CALCR: variants seen among roughly 807,000 people sequenced by gnomAD.
The protein encoded by CALCR is calcitonin receptor.
Under a neutral mutation model 59.5 loss-of-function variants are expected in CALCR, and 47 were observed. That is an observed-to-expected ratio of 0.79 (90% confidence interval 0.63 to 1.01). The LOEUF is 1.01. Ranked by LOEUF, CALCR falls within the 50% of genes least tolerant of loss-of-function variation. CALCR has a pLI of 0.00. For missense variants in CALCR, 566 were observed against 597.1 expected (o/e 0.95, Z 0.54); for synonymous variants, 213 against 211.3 (o/e 1.01, Z -0.07).
At chr7:93,432,106 AT>A (rs1170095148) in intron 13 of CALCR, among the ~76,000 whole-genome samples, 2 of 152,190 alleles carry the variant, frequency 1.3e-5, no homozygotes, top group Non-Finnish European at 2.9e-5. Context: ...CTGACTCTCT[AT>A]ATAATTCATT....
At chr7:93,570,647 A>G (rs1440257159) in intron 2 of CALCR, among the ~76,000 whole-genome samples, 1 of 152,196 alleles carries the variant, frequency 6.6e-6, no homozygotes, top group Non-Finnish European at 1.5e-5. Context: ...AATTTTTAAC[A>G]AAGACAGAAT....
intron 2 of CALCR, among the ~76,000 whole-genome samples, chr7:93,512,791 A>G (rs1301341553): frequency 6.6e-6 from 1 of 152,148 alleles, no homozygotes; most frequent in African/African-American, 2.4e-5. Flanking sequence ...TGCCCCTTAC[A>G]CATGCAGGGG....
At chr7:93,457,936 C>G (rs1406292520) in intron 8 of CALCR, among the ~76,000 whole-genome samples, 2 of 152,134 alleles carry the variant, frequency 1.3e-5, no homozygotes, top group Non-Finnish European at 2.9e-5. Flanking sequence ...AATCCCATCT[C>G]TAAGTACTCA....
intron 8 of CALCR, among the ~76,000 whole-genome samples, chr7:93,458,330 G>A (rs1358286662): frequency 6.6e-6 from 1 of 152,156 alleles, no homozygotes; most frequent in East Asian, 1.9e-4. Context: ...TATTGGGTTG[G>A]CAGAATTGTC....
chr7:93,479,520 G>A lies in CALCR; in HGVS notation c.52-13C>T. On this transcript the variant is annotated splice_polypyrimidine_tract_variant and intron_variant, in intron 3 of 13. Coordinates refer to ENST00000426151, the MANE Select transcript of CALCR (RefSeq NM_001742.4). The stretch of plus-strand genomic sequence containing the variant: ...TTGGGGTTGGGTGCTGTATTAAAAA[G>A]AAAAATCAGTTACTTATAGACAGGA... 6.2e-7 allele frequency: 1 copy of A among 1,606,102 alleles called. No homozygotes were observed.
intron 8 of CALCR, among the ~76,000 whole-genome samples, chr7:93,455,438 T>C (rs1800191597): frequency 6.6e-6 from 1 of 152,024 alleles, no homozygotes; most frequent in Non-Finnish European, 1.5e-5. Context: ...TCTTCTTTTT[T>C]CCCCTTGTCT....
At chr7:93,562,412 A>T (rs1789769964) in intron 2 of CALCR, among the ~76,000 whole-genome samples, 1 of 101,950 alleles carries the variant, frequency 9.8e-6, no homozygotes. Context: ...TATAAAAAGG[A>T]ACAACAACAA....
chr7:93,537,819 A>C (rs1789032522), intron 2 of CALCR, among the ~76,000 whole-genome samples: 1 of 151,850 alleles, frequency 6.6e-6, no homozygotes, highest in Admixed American at 6.6e-5. Flanking sequence ...CATATTTGAT[A>C]TGTTTGTATT....
chr7:93,436,331 G>A (rs1273339993), intron 11 of CALCR, among the ~76,000 whole-genome samples, 161 bp from the exon 12 acceptor site: 1 of 150,598 alleles, frequency 6.6e-6, no homozygotes, highest in Non-Finnish European at 1.5e-5. Context: ...GCATTTCTAG[G>A]GCTCTAGAGA....
At chr7:93,527,299 A>G (rs1788682641) in intron 2 of CALCR, among the ~76,000 whole-genome samples, 1 of 151,778 alleles carries the variant, frequency 6.6e-6, no homozygotes, top group Non-Finnish European at 1.5e-5. Context: ...ACAAATGTAT[A>G]TATGACATAT....
intron 2 of CALCR, among the ~76,000 whole-genome samples, chr7:93,533,122 T>C (rs1183538382): frequency 6.6e-6 from 1 of 151,934 alleles, no homozygotes; most frequent in Non-Finnish European, 1.5e-5. Context: ...TCTAATAACA[T>C]AGTTTTGTTC....
chr7:93,445,201 C>T (rs1189700058), intron 8 of CALCR, among the ~76,000 whole-genome samples: 1 of 152,062 alleles, frequency 6.6e-6, no homozygotes, highest in African/African-American at 2.4e-5. Context: ...ACTGGCTTCC[C>T]TCCCCGCCAT....
intron 4 of CALCR, among the ~76,000 whole-genome samples, chr7:93,477,989 A>G (rs1213951425): frequency 1.6e-5 from 2 of 127,330 alleles, no homozygotes; most frequent in African/African-American, 3.0e-5. Flanking sequence ...AAAAAAAAAA[A>G]AAAAAATTCT....
chr7:93,448,902 C>CA (rs1359290017), intron 8 of CALCR, among the ~76,000 whole-genome samples: 1 of 151,920 alleles, frequency 6.6e-6, no homozygotes, highest in East Asian at 1.9e-4. Flanking sequence ...AAAACTGAGG[C>CA]AAAATGAAGA....
rs1266837987 is a variant in CALCR at position 93,479,439 on chromosome 7, A to T, written c.120T>A (p.Leu40=). 1 of 1,612,664 alleles carries T rather than the reference A, an allele frequency of 6.2e-7. No homozygotes were observed. The highest frequency in any genetic ancestry group is 8.5e-7 in the Non-Finnish European group (1 of 1,179,106). Residue 40 remains leucine, a synonymous_variant, in exon 4 of 14, where the codon CTT becomes CTA. Transcript: ENST00000426151. ...TYPTIEPKPF[L]YVVGRKKMMD... ...TCATCTTCTTTCGTCCTACGACGTA[A>T]AGAAATGGCTTGGGCTCTATTGTTG...
At chr7:93,474,126 T>C (rs1243790299) in intron 5 of CALCR, among the ~76,000 whole-genome samples, 1 of 151,774 alleles carries the variant, frequency 6.6e-6, no homozygotes, top group Non-Finnish European at 1.5e-5. Context: ...AACTTCTTTG[T>C]TCTGTATTTT....
intron 2 of CALCR, among the ~76,000 whole-genome samples, chr7:93,491,548 A>G (rs1801077521): frequency 6.6e-6 from 1 of 152,120 alleles, no homozygotes; most frequent in Non-Finnish European, 1.5e-5. Flanking sequence ...AGGAATTTAA[A>G]CAAATTTACA....
intron 6 of CALCR, among the ~76,000 whole-genome samples, chr7:93,469,345 C>T (rs1800506265): frequency 1.3e-5 from 2 of 149,740 alleles, no homozygotes; most frequent in African/African-American, 4.9e-5. Flanking sequence ...TTTTCACGAT[C>T]ATGGTTAATT....
intron 11 of CALCR, among the ~76,000 whole-genome samples, chr7:93,437,710 T>C (rs1799809173): frequency 6.6e-6 from 1 of 152,190 alleles, no homozygotes; most frequent in Non-Finnish European, 1.5e-5. Flanking sequence ...CTCTGGAATG[T>C]CAAAGTTTTC....
Sources: gnomAD v4.1 joint callset for allele counts (sites outside exome capture counted in the v4.1 genomes callset) on GRCh38, gnomAD v4.1.1 for gene constraint, MANE v1.5 for transcripts, NCBI Gene and HGNC (gene_info 2026-07-23, HGNC 2026-07-21) for gene names.